The following CDC42BPA variants were observed in gnomAD, a reference collection of about 807,000 sequenced individuals.
CDC42BPA encodes the protein serine/threonine-protein kinase MRCK alpha.
In CDC42BPA, 80 loss-of-function variants were observed where a neutral mutation model predicts 223.5. That is an observed-to-expected ratio of 0.36 (90% confidence interval 0.30 to 0.43). CDC42BPA has a LOEUF of 0.43. CDC42BPA is among the 20% of genes least tolerant of loss of function. The pLI is 1.00. For missense variants in CDC42BPA, 1,743 were observed against 2,099.9 expected (o/e 0.83, Z 3.32); for synonymous variants, 694 against 718.6 (o/e 0.97, Z 0.55).
Position 226,989,946 on chromosome 1 carries a change from T to C in CDC42BPA, c.*4322A>G, listed in dbSNP as rs1175295778. 6.5e-6 allele frequency: 1 copy of C among 152,692 alleles called. No individual in the cohort carries two copies. Among genetic ancestry groups the C allele is most frequent in the African/African-American group, 2.4e-5 (1 of 41,468 alleles). 9.5% of individuals were successfully genotyped at this position (152,692 alleles called of 1,614,324 possible). ...CAACATAAAGTATTGGTGAGGAGTC[T>C]TTTGTGACATTTTTTACCATCCCAC... On this transcript the variant is annotated 3_prime_UTR_variant, in exon 37 of 37. Coordinates refer to ENST00000366766, the MANE Select transcript of CDC42BPA (RefSeq NM_001394014.1).
intron 4 of CDC42BPA, among the ~76,000 whole-genome samples, chr1:227,198,478 A>AAAG (rs1671146011): frequency 3.2e-5 from 3 of 92,542 alleles, no homozygotes; most frequent in African/African-American, 1.2e-4. Flanking sequence ...AAGAAAGAAA[A>AAAG]AAAATGTTGC....
intron 1 of CDC42BPA, among the ~76,000 whole-genome samples, chr1:227,286,821 A>T (rs1402020383): frequency 1.3e-5 from 2 of 152,206 alleles, no homozygotes; most frequent in Non-Finnish European, 2.9e-5. Context: ...GCTTTCATTC[A>T]TAGTATTAGG....
intron 21 of CDC42BPA, among the ~76,000 whole-genome samples, chr1:227,058,973 CATGA>C (rs1174346642): frequency 2.0e-5 from 3 of 149,840 alleles, no homozygotes; most frequent in African/African-American, 4.9e-5. Context: ...TGTTGTACAA[CATGA>C]ATGATCAAGT....
chr1:227,056,068 A>T (rs927495492), intron 21 of CDC42BPA, among the ~76,000 whole-genome samples: 1 of 152,212 alleles, frequency 6.6e-6, no homozygotes, highest in African/African-American at 2.4e-5. Flanking sequence ...GCCCAGGATC[A>T]CAGAACTGGT....
rs1019437773 is a variant in CDC42BPA, at chr1:227,092,078, C to T, written c.2250-87G>A. 61 of 682,308 alleles carry T rather than the reference C, an allele frequency of 8.9e-5. No homozygotes were observed. In the African/African-American group the frequency reaches 1.1e-3, roughly 12 times the overall value. The allele number at this position is 682,308 out of a possible 1,614,324, so 42.3% of individuals were successfully genotyped here. ...TTATTTTTCCAATAGTTACATAAAA[C>T]ACAAAATATCAGATTGAACTGCAGA... On this transcript the variant is annotated intron_variant, in intron 15 of 36. Transcript: ENST00000366766.
chr1:227,010,477 C>A (rs971423690), intron 34 of CDC42BPA, among the ~76,000 whole-genome samples: 17 of 152,132 alleles, frequency 1.1e-4, no homozygotes, highest in African/African-American at 3.9e-4. Context: ...AAATATAAAA[C>A]ATTTCACTGA....
chr1:227,205,656 T>C (rs1672594473), intron 3 of CDC42BPA, among the ~76,000 whole-genome samples: 1 of 152,148 alleles, frequency 6.6e-6, no homozygotes, highest in African/African-American at 2.4e-5. Context: ...ACAATAGGCA[T>C]AAATCAGCAC....
intron 5 of CDC42BPA, among the ~76,000 whole-genome samples, chr1:227,163,143 T>C (rs1383285903): frequency 1.4e-4 from 2 of 14,080 alleles, no homozygotes; most frequent in African/African-American, 5.6e-4. Flanking sequence ...TGTGTGTGTA[T>C]GTTTCCAAAC....
At chr1:227,129,871 G>C (rs1295930173) in intron 10 of CDC42BPA, among the ~76,000 whole-genome samples, 2 of 151,830 alleles carry the variant, frequency 1.3e-5, no homozygotes, top group Non-Finnish European at 2.9e-5. Flanking sequence ...ACGAAGAACT[G>C]AATCTGGTTT....
intron 6 of CDC42BPA, among the ~76,000 whole-genome samples, chr1:227,151,277 T>A (rs1661701052): frequency 6.6e-6 from 1 of 152,238 alleles, no homozygotes; most frequent in Non-Finnish European, 1.5e-5. Context: ...AACTGGCTTA[T>A]TTCATTAACA....
intron 1 of CDC42BPA, among the ~76,000 whole-genome samples, chr1:227,302,214 G>C (rs1221199266): frequency 6.6e-6 from 1 of 152,008 alleles, no homozygotes; most frequent in Non-Finnish European, 1.5e-5. Context: ...CCTTTACCTA[G>C]TTGCAGCTAA....
chr1:227,161,613 T>A lies in CDC42BPA; in HGVS notation c.600-977A>T, dbSNP rs765543742. On this transcript the variant is annotated intron_variant, in intron 5 of 36. Transcript: ENST00000366766. The stretch of plus-strand genomic sequence containing the variant: ...TGAAGCAATTTCTCTGAGTGTGTTG[T>A]ATATCACGAGTTAGTAAATTATGGC... Among the ~76,000 whole-genome samples the A allele has an allele frequency of 9.8e-5, 15 of 152,338 alleles. No homozygotes were observed. In the South Asian group the frequency reaches 1.9e-3, roughly 19 times the overall value.
chr1:227,215,780 C>G (rs893063221), intron 2 of CDC42BPA, among the ~76,000 whole-genome samples: 1 of 152,110 alleles, frequency 6.6e-6, no homozygotes, highest in Non-Finnish European at 1.5e-5. Context: ...ATAAAAAAAT[C>G]TTTCATCTCT....
chr1:227,248,511 A>C (rs1681399433), intron 2 of CDC42BPA, among the ~76,000 whole-genome samples: 1 of 152,224 alleles, frequency 6.6e-6, no homozygotes, highest in Admixed American at 6.5e-5. Context: ...AATCCCATTT[A>C]CAATAGCCAC....
rs570659357 is a variant in CDC42BPA at position 227,112,411 on chromosome 1, A to T, written c.1902T>A (p.His634Gln). ...TERAKKELEVHTEALAAEASK... is the reference protein window; with the variant it reads ...TERAKKELEVQTEALAAEASK... ...ATGCTTCAGCAGCTAGAGCTTCTGTATGAACTTCCAGCTTTAAAACAGAAT... is the reference window on the plus strand; with the variant it reads ...ATGCTTCAGCAGCTAGAGCTTCTGTTTGAACTTCCAGCTTTAAAACAGAAT... Residue 634 changes from histidine (H) to glutamine (Q), a missense_variant, in exon 14 of 37, where the codon CAT becomes CAA. Physicochemically the swap from His to Gln is conservative, Grantham distance 24. Coordinates refer to ENST00000366766, the MANE Select transcript of CDC42BPA (RefSeq NM_001394014.1). 6.3e-7 allele frequency: 1 copy of T among 1,595,884 alleles called. No individual in the cohort carries two copies. Among genetic ancestry groups the T allele is most frequent in the East Asian group, 2.3e-5 (1 of 44,280 alleles).
chr1:227,018,865 A>T (rs1252570935), intron 32 of CDC42BPA, among the ~76,000 whole-genome samples: 1 of 152,222 alleles, frequency 6.6e-6, no homozygotes, highest in Non-Finnish European at 1.5e-5. Flanking sequence ...CTTTATTGCC[A>T]AAAATGCTAA....
At chr1:227,264,727 A>T in intron 1 of CDC42BPA, 2 of 748,024 alleles carry the variant, frequency 2.7e-6, no homozygotes, top group Non-Finnish European at 2.4e-6. Context: ...ATGCCAGTCC[A>T]TTATGTACAT....
chr1:227,254,940 G>T (rs1046113381), intron 1 of CDC42BPA, among the ~76,000 whole-genome samples: 8 of 152,106 alleles, frequency 5.3e-5, no homozygotes, highest in Admixed American at 3.3e-4. Flanking sequence ...AGAGAGGCGA[G>T]GAAGTGAATT....
chr1:227,042,583 A>G lies in CDC42BPA; in HGVS notation c.3094-2347T>C, dbSNP rs925847355. The stretch of plus-strand genomic sequence containing the variant: ...ATTCTGAGGCCATCAATCTTTAGGT[A>G]ATACACAATAGGATTTTGTTTTTGT... On this transcript the variant is annotated intron_variant, in intron 23 of 36. Coordinates refer to ENST00000366766, the MANE Select transcript of CDC42BPA (RefSeq NM_001394014.1). Among the ~76,000 whole-genome samples, 34 of 152,174 alleles carry G rather than the reference A, an allele frequency of 2.2e-4. 1 individual carries two copies.
Sources: allele counts gnomAD v4.1 joint callset (sites outside exome capture counted in the v4.1 genomes callset), GRCh38; gene constraint gnomAD v4.1.1; transcripts MANE v1.5; gene names NCBI Gene and HGNC (gene_info 2026-07-23, HGNC 2026-07-21).